SLC7A4: variants seen among roughly 807,000 people sequenced by gnomAD.
The protein encoded by SLC7A4 is cationic amino acid transporter 4.
Under a neutral mutation model 37.8 loss-of-function variants are expected in SLC7A4, and 30 were observed. That is an observed-to-expected ratio of 0.79 (90% CI 0.59 to 1.08). The LOEUF (loss-of-function observed/expected upper bound fraction) is 1.08, where lower values mean the gene tolerates loss of function less well. Among genes scored for constraint, SLC7A4 ranks in the 50% least tolerant of loss-of-function variants. The probability of loss-of-function intolerance (pLI) is 0.00; values close to 1 mark genes in which losing one functional copy is unlikely to be tolerated. For synonymous variants in SLC7A4, 359 were observed against 376.5 expected (o/e 0.95, Z 0.54); for missense variants, 839 against 843.2 (o/e 1.00, Z 0.06).
chr22:21,030,315 A>T lies in SLC7A4; in HGVS notation c.1019T>A (p.Leu340Gln), dbSNP rs1928844586. The change falls in exon 3 of 5, where the codon CTG (leucine) becomes CAG (glutamine). Residue 340 changes from leucine (L) to glutamine (Q), a missense_variant. Coordinates refer to ENST00000382932, the MANE Select transcript of SLC7A4 (RefSeq NM_004173.3). The part of the protein sequence containing the change: ...NTVLLSLLFS[L>Q]PRIVYAMAAD... Reference sequence around the variant, plus strand: ...GGCCATGGCATAGACAATGCGTGGCAGGGAGAAGAGGAGGCTGAGCAGGAC... The same window carrying T: ...GGCCATGGCATAGACAATGCGTGGCTGGGAGAAGAGGAGGCTGAGCAGGAC... 1.2e-6 allele frequency: 2 copies of T among 1,611,460 alleles called. No homozygotes were observed. The highest frequency in any genetic ancestry group is 2.2e-5 in the South Asian group (2 of 91,004).
rs751106306 is a variant in SLC7A4, at chr22:21,029,330, A to C, written c.1732+6T>G. 6.2e-7 allele frequency: 1 copy of C among 1,612,570 alleles called. No homozygotes were observed. Among genetic ancestry groups the C allele is most frequent in the Non-Finnish European group, 8.5e-7 (1 of 1,179,106 alleles). On this transcript the variant is annotated splice_donor_region_variant and intron_variant, in intron 4 of 4. Coordinates refer to ENST00000382932, the MANE Select transcript of SLC7A4 (RefSeq NM_004173.3). ...TGACCCCGGTCCCAGCCTGGCCCCC[A>C]CTCACCCATCAGCAGCCAGATGGAG...
Position 21,030,231 on chromosome 22 carries a change from A to C in SLC7A4, c.1103T>G (p.Val368Gly), listed in dbSNP as rs1054071512. The C allele has an allele frequency of 1.2e-5, 20 of 1,613,792 alleles. No individual in the cohort carries two copies. In the Admixed American group the frequency reaches 2.0e-4, roughly 16 times the overall value. Residue 368 changes from valine (V) to glycine (G), a missense_variant, in exon 3 of 5, where the codon GTG becomes GGG. By Grantham distance (109) the Val-to-Gly change is moderately radical (BLOSUM62 -3). Transcript: ENST00000382932. ...AHVHPRTQVPVAGTLAFGLLT... is the reference protein window; with the variant it reads ...AHVHPRTQVPGAGTLAFGLLT... ...GAGCCCGAACGCCAGGGTGCCCGCC[A>C]CAGGCACCTGTGTCCGGGGGTGCAC... is the stretch of plus-strand genomic sequence containing the variant.
At chr22:21,029,523 T>C in intron 3 of SLC7A4, 79 bp from the exon 4 acceptor site, 1 of 1,281,268 alleles carries the variant, frequency 7.8e-7, no homozygotes, top group South Asian at 1.2e-5. Context: ...TTCTCGGGAA[T>C]CCATAGAGCC....
Position 21,031,864 on chromosome 22 carries a change from A to C in SLC7A4, c.-40-12T>G. The C allele has an allele frequency of 6.9e-7, 1 of 1,448,268 alleles. No homozygotes were observed. The highest frequency in any genetic ancestry group is 9.0e-7 in the Non-Finnish European group (1 of 1,105,586). The allele number at this position is 1,448,268 out of a possible 1,614,324, so 89.7% of individuals were successfully genotyped here. A position where few individuals can be genotyped will look rare whatever the true frequency, so the allele number is the denominator to read the frequency against. ...CCAGCTACTGGAACCTGCTAGGGCC[A>C]GAGGGGAATGACAGGATGCGTAGCC... On this transcript the variant is annotated splice_polypyrimidine_tract_variant and intron_variant, in intron 1 of 4. Transcript: ENST00000382932.
At position 21,031,162 on chromosome 22, in the gene SLC7A4, G is replaced by A. The variant is rs1198199829; in HGVS notation, c.651C>T (p.Ala217=). ...LFIVILGFIL[A]QPHNWSADEG... is the part of the protein sequence containing the mutation. ...CGTCAGCGCTCCAGTTGTGAGGCTG[G>A]GCCAGGATGAAGCCCAGGATGACAA... The change falls in exon 2 of 5, where the codon GCC becomes GCT. Residue 217 remains alanine (A), a synonymous_variant. Coordinates refer to ENST00000382932, the MANE Select transcript of SLC7A4 (RefSeq NM_004173.3). 6.2e-7 allele frequency: 1 copy of A among 1,613,788 alleles called. No individual in the cohort carries two copies. Among genetic ancestry groups the A allele is most frequent in the Admixed American group, 1.7e-5 (1 of 60,004 alleles).
Position 21,031,672 on chromosome 22 carries a change from C to T in SLC7A4, c.141G>A (p.Val47=), listed in dbSNP as rs34601402. 9,150 of 1,613,508 alleles carry T rather than the reference C, an allele frequency of 5.7e-3. 413 individuals are homozygous for T. In the African/African-American group the frequency reaches 0.1, roughly 18 times the overall value. The part of the protein sequence containing the change: ...LSTLDLTLLG[V]GGMVGSGLYV... ...AGAGACCCGAGCCCACCATGCCACCCACGCCCAGAAGAGTCAGGTCCAGCG... is the reference window on the plus strand; with the variant it reads ...AGAGACCCGAGCCCACCATGCCACCTACGCCCAGAAGAGTCAGGTCCAGCG... Residue 47 remains valine, a synonymous_variant, in exon 2 of 5, where the codon GTG becomes GTA. Transcript: ENST00000382932.
chr22:21,031,034 T>G lies in SLC7A4; in HGVS notation c.779A>C (p.Glu260Ala). Reference protein sequence around the residue: ...GFDVIAASSEEAQNPRRSVPL... With the variant: ...GFDVIAASSEAAQNPRRSVPL... ...CACAGACCGCCGTGGGTTCTGGGCCTCCTCACTGGAGGCGGCAATGACGTC... is the reference window on the plus strand; with the variant it reads ...CACAGACCGCCGTGGGTTCTGGGCCGCCTCACTGGAGGCGGCAATGACGTC... The change falls in exon 2 of 5, where the codon GAG becomes GCG. Residue 260 changes from glutamate to alanine, a missense_variant. Glu to Ala is a moderately radical substitution (Grantham distance 107). Transcript: ENST00000382932. 6.2e-7 allele frequency: 1 copy of G among 1,614,058 alleles called. No individual in the cohort carries two copies. The highest frequency in any genetic ancestry group is 8.5e-7 in the Non-Finnish European group (1 of 1,180,004).
chr22:21,031,065 C>T lies in SLC7A4; in HGVS notation c.748G>A (p.Gly250Ser). Residue 250 changes from glycine (G) to serine (S), a missense_variant, in exon 2 of 5, where the codon GGC becomes AGC. Physicochemically the swap from Gly to Ser is moderately conservative, Grantham distance 56 (BLOSUM62 0). Transcript: ENST00000382932. ...CTGGAGGCGGCAATGACGTCGAAGCCCACGAAAGCATAGAAGCAGGAGGCA... is the reference window on the plus strand; with the variant it reads ...CTGGAGGCGGCAATGACGTCGAAGCTCACGAAAGCATAGAAGCAGGAGGCA... ...GTASCFYAFV[G>S]FDVIAASSEE... 1.2e-6 allele frequency: 2 copies of T among 1,614,130 alleles called. No individual in the cohort carries two copies. The highest frequency in any genetic ancestry group is 1.7e-6 in the Non-Finnish European group (2 of 1,180,032).
Position 21,029,796 on chromosome 22 carries a change from A to G in SLC7A4, c.1538T>C (p.Leu513Pro). Residue 513 changes from leucine (L) to proline (P), a missense_variant, in exon 3 of 5, where the codon CTG (leucine) becomes CCG (proline). By Grantham distance (98) the Leu-to-Pro change is moderately conservative. Coordinates refer to ENST00000382932, the MANE Select transcript of SLC7A4 (RefSeq NM_004173.3). The part of the protein sequence containing the change: ...LHLPHWGYIL[L>P]LLLTSVMFLL... ...AAACATGACACTGGTGAGCAGGAGCAGCAGGATGTAACCCCAGTGTGGGAG... is the reference window on the plus strand; with the variant it reads ...AAACATGACACTGGTGAGCAGGAGCGGCAGGATGTAACCCCAGTGTGGGAG... 2 of 1,613,574 alleles carry G rather than the reference A, an allele frequency of 1.2e-6. No homozygotes were observed. Among genetic ancestry groups the G allele is most frequent in the Non-Finnish European group, 8.5e-7 (1 of 1,180,002 alleles).
Position 21,030,158 on chromosome 22 carries a change from C to T in SLC7A4, c.1176G>A (p.Gln392=), listed in dbSNP as rs1482418106. The change falls in exon 3 of 5, where the codon CAG becomes CAA. Residue 392 remains glutamine, a synonymous_variant. Transcript: ENST00000382932. ...CCAGGAGTGTGCCAAGGGACAGGAA[C>T]TGAACCAGCGACTCCAGGTCCAGCA... The part of the protein sequence containing the change: ...ALLLDLESLV[Q]FLSLGTLLAY... 1 of 1,613,820 alleles carries T rather than the reference C, an allele frequency of 6.2e-7. No homozygotes were observed. Among genetic ancestry groups the T allele is most frequent in the Non-Finnish European group, 8.5e-7 (1 of 1,180,014 alleles).
rs759211605 is a variant in SLC7A4 at position 21,031,402 on chromosome 22, C to T, written c.411G>A (p.Trp137Ter). The T allele has an allele frequency of 1.2e-6, 2 of 1,608,572 alleles. No individual in the cohort carries two copies. Among genetic ancestry groups the T allele is most frequent in the East Asian group, 2.2e-5 (1 of 44,856 alleles). Residue 137 changes from tryptophan to a stop codon, truncating the protein, a stop_gained, in exon 2 of 5, where the codon TGG becomes TGA. Transcript: ENST00000382932. LOFTEE classifies it high-confidence loss of function. Reference protein sequence around the residue: ...IIGGAAVARAWSGYLDSMFSH... With the variant: ...IIGGAAVARA ...TGAACATAGAGTCCAGGTAGCCACT[C>T]CAGGCACGGGCCACGGCGGCGCCAC...
intron 3 of SLC7A4, 118 bp from the exon 4 acceptor site, chr22:21,029,562 A>G: frequency 8.8e-7 from 1 of 1,133,588 alleles, no homozygotes; most frequent in Non-Finnish European, 1.3e-6. Context: ...TTGTGGAGAC[A>G]TGTGCTCACT....
In SLC7A4 at chr22:21,031,801, C is replaced by T; in HGVS notation, c.12G>A (p.Gly4=). 6.7e-7 allele frequency: 1 copy of T among 1,498,590 alleles called. No homozygotes were observed. Among genetic ancestry groups the T allele is most frequent in the Non-Finnish European group, 8.9e-7 (1 of 1,128,056 alleles). The allele number at this position is 1,498,590 out of a possible 1,614,324, so 92.8% of individuals were successfully genotyped here. A position where few individuals can be genotyped will look rare whatever the true frequency, so the allele number is the denominator to read the frequency against. The part of the protein sequence containing the change: MAR[G]LPTIASLARL... ...GTGCCAGGCTAGCAATGGTGGGCAG[C>T]CCCCGGGCCATGGCAGGTGGCCGAG... The change falls in exon 2 of 5, where the codon GGG becomes GGA. Residue 4 remains glycine, a synonymous_variant. Transcript: ENST00000382932.
At position 21,029,403 on chromosome 22, in the gene SLC7A4, G is replaced by A. The variant is rs1361771658; in HGVS notation, c.1665C>T (p.Leu555=). Residue 555 remains leucine (L), a synonymous_variant, in exon 4 of 5, where the codon CTC becomes CTT. Coordinates refer to ENST00000382932, the MANE Select transcript of SLC7A4 (RefSeq NM_004173.3). ...TAAGTTTCAGCATGAGGCAGATGTT[G>A]AGGACGATGCTCAGGGCTGGAATCA... ...VPLIPALSIV[L]NICLMLKLSY... is the part of the protein sequence containing the mutation. The A allele has an allele frequency of 6.2e-7, 1 of 1,613,766 alleles. No individual in the cohort carries two copies. The highest frequency in any genetic ancestry group is 1.3e-5 in the African/African-American group (1 of 75,038).
At position 21,031,387 on chromosome 22, in the gene SLC7A4, G is replaced by A; in HGVS notation, c.426C>T (p.Asp142=). 1 of 1,610,288 alleles carries A rather than the reference G, an allele frequency of 6.2e-7. No individual in the cohort carries two copies. Among genetic ancestry groups the A allele is most frequent in the Non-Finnish European group, 8.5e-7 (1 of 1,178,752 alleles). Residue 142 remains aspartate, a synonymous_variant, in exon 2 of 5, where the codon GAC becomes GAT. Coordinates refer to ENST00000382932, the MANE Select transcript of SLC7A4 (RefSeq NM_004173.3). Reference sequence around the variant, plus strand: ...TGCGGATGCTGTGGCTGAACATAGAGTCCAGGTAGCCACTCCAGGCACGGG... The same window carrying A: ...TGCGGATGCTGTGGCTGAACATAGAATCCAGGTAGCCACTCCAGGCACGGG... ...AVARAWSGYL[D]SMFSHSIRNF...
At position 21,031,698 on chromosome 22, in the gene SLC7A4, T is replaced by C; in HGVS notation, c.115A>G (p.Thr39Ala). 2 of 1,613,370 alleles carry C rather than the reference T, an allele frequency of 1.2e-6. No homozygotes were observed. The highest frequency in any genetic ancestry group is 2.2e-5 in the South Asian group (2 of 91,054). The change falls in exon 2 of 5, where the codon ACG becomes GCG. Residue 39 changes from threonine (T) to alanine (A), a missense_variant. Thr to Ala is a moderately conservative substitution (Grantham distance 58). Coordinates refer to ENST00000382932, the MANE Select transcript of SLC7A4 (RefSeq NM_004173.3). ...METSLRRCLSTLDLTLLGVGG... is the reference protein window; with the variant it reads ...METSLRRCLSALDLTLLGVGG... ...ACGCCCAGAAGAGTCAGGTCCAGCG[T>C]GGACAGGCAGCGCCGCAGTGACGTC... is the stretch of plus-strand genomic sequence containing the variant.
At chr22:21,030,477 G>T in intron 2 of SLC7A4, 126 bp from the exon 3 acceptor site, 1 of 1,003,624 alleles carries the variant, frequency 1.0e-6, no homozygotes, top group Non-Finnish European at 1.5e-6. Context: ...CTCAGAGTAA[G>T]CATGAGTTTG....
Position 21,031,329 on chromosome 22 carries a change from C to A in SLC7A4, c.484G>T (p.Val162Leu). 6.2e-7 allele frequency: 1 copy of A among 1,609,814 alleles called. No homozygotes were observed. Among genetic ancestry groups the A allele is most frequent in the Non-Finnish European group, 8.5e-7 (1 of 1,178,188 alleles). Residue 162 changes from valine to leucine, a missense_variant, in exon 2 of 5, where the codon GTG (valine) becomes TTG (leucine). Physicochemically the swap from Val to Leu is conservative, Grantham distance 32. Coordinates refer to ENST00000382932, the MANE Select transcript of SLC7A4 (RefSeq NM_004173.3). ...TCCGGGTAGTGGCCCAGGAGGGGCA[C>A]CTGCCAAGAACCCACGTGGGTCTCA... is the stretch of plus-strand genomic sequence containing the variant. ...FTETHVGSWQ[V>L]PLLGHYPDFL...
rs1436002538 is a variant in SLC7A4 at position 21,029,156 on chromosome 22, T to TATTCA, written c.1806_1807insTGAAT (p.Thr603Ter). 6.2e-7 allele frequency: 1 copy of TATTCA among 1,614,014 alleles called. No individual in the cohort carries two copies. The highest frequency in any genetic ancestry group is 1.1e-5 in the South Asian group (1 of 91,084). ...CCCCTGGGGAATACCACGTAGTGTG[T>TATTCA]GGAGTTCAGCCCTGGCAGCTCCCGC... is the stretch of plus-strand genomic sequence containing the variant. On this transcript the variant is annotated stop_gained and frameshift_variant, in exon 5 of 5. Coordinates refer to ENST00000382932, the MANE Select transcript of SLC7A4 (RefSeq NM_004173.3). LOFTEE classifies it high-confidence loss of function.
Sources: allele counts gnomAD v4.1 joint callset, GRCh38; gene constraint gnomAD v4.1.1; transcripts MANE v1.5; gene names NCBI Gene and HGNC (gene_info 2026-07-23, HGNC 2026-07-21).